Variants in EPB41L2 observed in about 807,000 individuals in gnomAD.
EPB41L2 encodes erythrocyte membrane protein band 4.1 like 2, also known as band 4.1-like protein 2.
In EPB41L2, 43 loss-of-function variants were observed where a neutral mutation model predicts 113.0. The ratio of observed to expected loss-of-function variants is 0.38; its 90% confidence interval spans 0.30 to 0.49. EPB41L2 has a LOEUF of 0.49. EPB41L2 is among the 20% of genes least tolerant of loss of function. EPB41L2 has a pLI of 0.95. For synonymous variants in EPB41L2, 442 were observed against 436.7 expected, an observed-to-expected ratio of 1.01 and a Z score of -0.15; for missense variants, 1,147 against 1,223.4, an observed-to-expected ratio of 0.94 and a Z score of 0.93.
chr6:130,852,540 T>C (rs1779071761), intron 19 of EPB41L2, among the ~76,000 whole-genome samples: 1 of 152,104 alleles, frequency 6.6e-6, no homozygotes, highest in Admixed American at 6.5e-5. Flanking sequence ...AAATTATAGG[T>C]GCCAACATCA....
rs888471406 is a variant in EPB41L2, at chr6:130,865,401, A to C, written c.2829+135T>G. 14 of 858,550 alleles carry C rather than the reference A, an allele frequency of 1.6e-5. No homozygotes were observed. The African/African-American group carries it at 2.2e-4, about 14-fold the overall frequency. The allele number at this position is 858,550 out of a possible 1,614,324, so 53.2% of individuals were successfully genotyped here. On this transcript the variant is annotated intron_variant, in intron 17 of 19. Transcript: ENST00000337057. ...TGGAGCCTAATTTCTTGGATACTTTAAACCAAGGCATTTTGATTCCGCTGG... is the reference window on the plus strand; with the variant it reads ...TGGAGCCTAATTTCTTGGATACTTTCAACCAAGGCATTTTGATTCCGCTGG...
intron 1 of EPB41L2, among the ~76,000 whole-genome samples, chr6:131,037,585 A>ATTTTTTTTT (rs10685424): frequency 1.6e-5 from 2 of 122,680 alleles, no homozygotes; most frequent in African/African-American, 3.1e-5. Context: ...AAAACCTAAA[A>ATTTTTTTTT]TTTTTTTTTT....
At chr6:130,885,642 T>C (rs1790706824) in intron 11 of EPB41L2, among the ~76,000 whole-genome samples, 1 of 152,148 alleles carries the variant, frequency 6.6e-6, no homozygotes, top group African/African-American at 2.4e-5. Flanking sequence ...ACGATTTATT[T>C]CTGAATCTAT....
At chr6:131,001,695 A>G (rs1488357126) in intron 1 of EPB41L2, among the ~76,000 whole-genome samples, 7 of 152,072 alleles carry the variant, frequency 4.6e-5, no homozygotes, top group African/African-American at 1.7e-4. Context: ...TTGGCTGTTT[A>G]TCCCCCTTAT....
In EPB41L2 at chr6:130,892,403, CTT is replaced by C. The variant is rs60350565; in HGVS notation, c.1487+1939_1488-1938del. On this transcript the variant is annotated intron_variant, in intron 10 of 19. Transcript: ENST00000337057. ...CTTGCCATTTCTGAACAGATTATTGCTTTTTTTTTTTTTTTTTTTATCATTAT... is the reference window on the plus strand; with the variant it reads ...CTTGCCATTTCTGAACAGATTATTGCTTTTTTTTTTTTTTTTTATCATTAT... Among the ~76,000 whole-genome samples the C allele has an allele frequency of 4.1e-3, 380 of 92,628 alleles. 6 individuals are homozygous for C. The highest frequency in any genetic ancestry group is 8.4e-3 in the African/African-American group (243 of 28,916). The allele number at this position is 92,628 out of a possible 152,430, so 60.8% of individuals were successfully genotyped here.
At position 130,870,020 on chromosome 6, in the gene EPB41L2, C is replaced by T. The variant is rs771010106; in HGVS notation, c.2150G>A (p.Gly717Glu). The T allele has an allele frequency of 1.9e-6, 3 of 1,613,980 alleles. No individual in the cohort carries two copies. Among genetic ancestry groups the T allele is most frequent in the Non-Finnish European group, 2.5e-6 (3 of 1,180,008 alleles). The change falls in exon 15 of 20, where the codon GGG (glycine) becomes GAG (glutamate). Residue 717 changes from glycine to glutamate, a missense_variant. Transcript: ENST00000337057. Reference protein sequence around the residue: ...EEMNGKEISPGSGPGEIRKVE... With the variant: ...EEMNGKEISPESGPGEIRKVE... ...CTTACGAATCTCCCCAGGACCACTC[C>T]CAGGTGATATCTCTTTACCATTCAT...
intron 1 of EPB41L2, among the ~76,000 whole-genome samples, chr6:130,963,179 T>C (rs1317336290): frequency 6.6e-6 from 1 of 152,212 alleles, no homozygotes; most frequent in Non-Finnish European, 1.5e-5. Context: ...CATACTCCTC[T>C]CTGGCTCAAT....
chr6:131,030,916 A>G (rs1207184274), intron 1 of EPB41L2, among the ~76,000 whole-genome samples: 1 of 140,102 alleles, frequency 7.1e-6, no homozygotes, highest in Admixed American at 7.0e-5. Context: ...ATCTCTACAG[A>G]AAAAAAAAAA....
At chr6:131,010,328 T>C (rs1047518812) in intron 1 of EPB41L2, among the ~76,000 whole-genome samples, 1 of 152,196 alleles carries the variant, frequency 6.6e-6, no homozygotes, top group Non-Finnish European at 1.5e-5. Context: ...AAGAGTGCTG[T>C]CATTGTACAA....
chr6:130,888,257 T>A (rs1583097747), intron 11 of EPB41L2, among the ~76,000 whole-genome samples: 1 of 152,186 alleles, frequency 6.6e-6, no homozygotes, highest in Admixed American at 6.5e-5. Flanking sequence ...GGCTGTCTGG[T>A]CATGTATTGG....
Position 130,976,849 on chromosome 6 carries a change from C to T in EPB41L2, c.-14-20350G>A, listed in dbSNP as rs556216724. On this transcript the variant is annotated intron_variant, in intron 1 of 19. Coordinates refer to ENST00000337057, the MANE Select transcript of EPB41L2 (RefSeq NM_001431.4). ...AAATATGTGCTGCATTCCTGCTTTA[C>T]ACCAGACACTGGTCTAGGCCCTAAA... is the stretch of plus-strand genomic sequence containing the variant. 1.1e-4 allele frequency among the ~76,000 whole-genome samples: 17 copies of T among 152,278 alleles called. No homozygotes were observed. In the East Asian group the frequency reaches 2.7e-3, roughly 24 times the overall value.
At chr6:130,848,166 GTCTCTGTCTC>G (rs1436897093) in intron 19 of EPB41L2, among the ~76,000 whole-genome samples, 128 of 125,562 alleles carry the variant, frequency 1.0e-3, no homozygotes, top group African/African-American at 3.1e-3. Context: ...CCCCCTAACA[GTCTCTGTCTC>G]TCTCTGTCTC....
At position 130,926,598 on chromosome 6, in the gene EPB41L2, C is replaced by T. The variant is rs764868374; in HGVS notation, c.810+7G>A. Reference sequence around the variant, plus strand: ...AAAAAGATAAAAATAAACTTGAAATCACTTACTTTCTGCTCAGGGCTTTCC... The same window carrying T: ...AAAAAGATAAAAATAAACTTGAAATTACTTACTTTCTGCTCAGGGCTTTCC... On this transcript the variant is annotated splice_region_variant and intron_variant, in intron 4 of 19. Coordinates refer to ENST00000337057, the MANE Select transcript of EPB41L2 (RefSeq NM_001431.4). 2.3e-5 allele frequency: 36 copies of T among 1,558,878 alleles called. No homozygotes were observed. Among genetic ancestry groups the T allele is most frequent in the Non-Finnish European group, 2.8e-5 (32 of 1,142,876 alleles).
chr6:130,981,591 A>C (rs9375789), intron 1 of EPB41L2, among the ~76,000 whole-genome samples: 22,036 of 152,160 alleles, frequency 0.14, 2,264 homozygotes, highest in East Asian at 0.45. Flanking sequence ...CACAAATACT[A>C]TCTCTGGAAC....
intron 1 of EPB41L2, among the ~76,000 whole-genome samples, chr6:130,964,834 A>G (rs1246326512): frequency 6.6e-6 from 1 of 152,178 alleles, no homozygotes; most frequent in African/African-American, 2.4e-5. Context: ...AGAAGGTAAA[A>G]AGAGGATAGA....
At chr6:130,871,345 T>A (rs1217306696) in intron 14 of EPB41L2, among the ~76,000 whole-genome samples, 6 of 152,146 alleles carry the variant, frequency 3.9e-5, no homozygotes, top group Admixed American at 2.6e-4. Flanking sequence ...TGATCTAACT[T>A]AAAAATAATT....
intron 3 of EPB41L2, among the ~76,000 whole-genome samples, chr6:130,938,154 C>T (rs1269812874): frequency 6.6e-6 from 1 of 152,186 alleles, no homozygotes; most frequent in African/African-American, 2.4e-5. Context: ...GATGAGTTTC[C>T]TAACAACAGT....
intron 1 of EPB41L2, among the ~76,000 whole-genome samples, chr6:130,959,825 C>T (rs1172414969): frequency 3.3e-5 from 5 of 152,152 alleles, no homozygotes; most frequent in African/African-American, 9.7e-5. Context: ...AACCAAAATG[C>T]CCCATACTTG....
At chr6:130,929,878 CACACACACACACACACACAT>C (rs1398919589) in intron 3 of EPB41L2, among the ~76,000 whole-genome samples, 2 of 147,174 alleles carry the variant, frequency 1.4e-5, no homozygotes, top group Non-Finnish European at 3.0e-5. Context: ...CACACACACA[CACACACACACACACACACAT>C]ACACGCACAG....
Sources: gnomAD v4.1 joint callset for allele counts (sites outside exome capture counted in the v4.1 genomes callset) on GRCh38, gnomAD v4.1.1 for gene constraint, MANE v1.5 for transcripts, NCBI Gene and HGNC (gene_info 2026-07-23, HGNC 2026-07-21) for gene names.